The following CASP5 variants were observed in gnomAD, a reference collection of about 807,000 sequenced individuals.
The protein encoded by CASP5 is caspase-5.
A neutral mutation model predicts 45.2 loss-of-function variants in CASP5; 42 were observed. That is an observed-to-expected ratio of 0.93 (90% CI 0.73 to 1.20). CASP5 has a LOEUF of 1.20. CASP5 is among the 50% of genes most tolerant of loss of function. The probability of loss-of-function intolerance (pLI) is 0.00; values close to 1 mark genes in which losing one functional copy is unlikely to be tolerated. For missense variants in CASP5, 512 were observed against 532.2 expected (o/e 0.96, Z 0.37); for synonymous variants, 209 against 186.2 (o/e 1.12, Z -1.00).
intron 1 of CASP5, among the ~76,000 whole-genome samples, chr11:105,017,858 A>G (rs778143106): frequency 0.057 from 8,690 of 151,160 alleles, 246 homozygotes; most frequent in African/African-American, 0.065. Flanking sequence ...TAATTGTCAG[A>G]TTCACCAAAG....
intron 1 of CASP5, among the ~76,000 whole-genome samples, chr11:105,014,512 T>A (rs1862495541): frequency 6.6e-6 from 1 of 152,176 alleles, no homozygotes; most frequent in African/African-American, 2.4e-5. Context: ...TCAAGGGAAG[T>A]CTAATAATTA....
intron 6 of CASP5, among the ~76,000 whole-genome samples, chr11:105,000,009 A>T (rs937718630): frequency 6.6e-6 from 1 of 152,210 alleles, no homozygotes; most frequent in African/African-American, 2.4e-5. Flanking sequence ...TTTAACTTTG[A>T]TTTAGGGATT....
intron 6 of CASP5, 71 bp downstream of exon 6, chr11:105,000,190 A>G: frequency 6.6e-7 from 1 of 1,521,134 alleles, no homozygotes; most frequent in Admixed American, 1.7e-5. Flanking sequence ...GTTTCCCCTA[A>G]ATATAAACCA....
intron 1 of CASP5, among the ~76,000 whole-genome samples, chr11:105,009,740 T>TACACAC (rs1565387849): frequency 2.7e-5 from 2 of 73,210 alleles, no homozygotes; most frequent in African/African-American, 5.7e-5. Flanking sequence ...TATATATATA[T>TACACAC]ATATATATAT....
At chr11:105,000,646 T>A in intron 5 of CASP5, 151 bp from the exon 6 acceptor site, 2 of 713,380 alleles carry the variant, frequency 2.8e-6, no homozygotes, top group Non-Finnish European at 4.5e-6. Context: ...CAGTTTTATG[T>A]TTTTTTGTTT....
chr11:105,012,016 C>A (rs1313062951), intron 1 of CASP5, among the ~76,000 whole-genome samples: 1 of 151,636 alleles, frequency 6.6e-6, no homozygotes, highest in Non-Finnish European at 1.5e-5. Flanking sequence ...CTGGAGGCAG[C>A]ACACAACCTG....
At chr11:105,019,748 T>A (rs1227456972) in intron 1 of CASP5, among the ~76,000 whole-genome samples, 2 of 144,774 alleles carry the variant, frequency 1.4e-5, no homozygotes, top group East Asian at 1.9e-4. Flanking sequence ...CTGGTACCAT[T>A]CCTTCTGAAA....
chr11:105,015,515 CT>C (rs1862544504), intron 1 of CASP5, among the ~76,000 whole-genome samples: 1 of 152,156 alleles, frequency 6.6e-6, no homozygotes, highest in African/African-American at 2.4e-5. Flanking sequence ...ATATAGGATA[CT>C]GTTTTTCACT....
At chr11:105,021,711 G>A (rs1421878979) in intron 1 of CASP5, among the ~76,000 whole-genome samples, 1 of 146,690 alleles carries the variant, frequency 6.8e-6, no homozygotes, top group African/African-American at 2.5e-5. Flanking sequence ...CACTGTTGGT[G>A]GGACTGTAAA....
In CASP5 at chr11:105,002,118, C is replaced by T; in HGVS notation, c.627G>A (p.Arg209=). ...CCACGATGTCATAGTGAGCCCCATT[C>T]CTTGCAGGCAGGTGATCAAACTTTG... ...CNTKFDHLPA[R]NGAHYDIVGM... The change falls in exon 5 of 10, where the codon AGG becomes AGA. Residue 209 remains arginine, a synonymous_variant. Coordinates refer to ENST00000260315, the MANE Select transcript of CASP5 (RefSeq NM_004347.5). 5.0e-6 allele frequency: 8 copies of T among 1,614,114 alleles called. No homozygotes were observed. Among genetic ancestry groups the T allele is most frequent in the South Asian group, 1.1e-5 (1 of 91,078 alleles).
intron 1 of CASP5, among the ~76,000 whole-genome samples, chr11:105,015,950 C>A (rs1351939057): frequency 6.6e-6 from 1 of 151,898 alleles, no homozygotes. Context: ...AAAAATCGTG[C>A]CTTAGAGTGA....
intron 1 of CASP5, among the ~76,000 whole-genome samples, chr11:105,010,897 A>C (rs1862316540): frequency 6.6e-6 from 1 of 151,814 alleles, no homozygotes; most frequent in Admixed American, 6.6e-5. Context: ...TGTGAAAAGA[A>C]AATGAAGTAT....
At chr11:105,016,930 T>C (rs1862640484) in intron 1 of CASP5, among the ~76,000 whole-genome samples, 2 of 150,922 alleles carry the variant, frequency 1.3e-5, no homozygotes, top group African/African-American at 2.5e-5. Context: ...AAGAGAGCAG[T>C]GGTTCTCCCA....
chr11:105,011,377 T>C (rs1862337165), intron 1 of CASP5, among the ~76,000 whole-genome samples: 1 of 151,748 alleles, frequency 6.6e-6, no homozygotes, highest in Non-Finnish European at 1.5e-5. Flanking sequence ...AGATAAAAGC[T>C]TTTCTTCAAA....
intron 1 of CASP5, among the ~76,000 whole-genome samples, chr11:105,019,256 A>G (rs1267471447): frequency 6.6e-6 from 1 of 150,816 alleles, no homozygotes; most frequent in African/African-American, 2.4e-5. Flanking sequence ...CTAGAAAAGC[A>G]AGAGCAAACA....
chr11:105,019,078 G>A (rs1422907184), intron 1 of CASP5, among the ~76,000 whole-genome samples: 1 of 148,158 alleles, frequency 6.7e-6, no homozygotes, highest in Non-Finnish European at 1.5e-5. Flanking sequence ...TGAAATGAAG[G>A]CAGAAATAAA....
rs915392149 is a variant in CASP5, at chr11:105,009,815, A to G, written c.8-835T>C. ...CACGTATATATATATATACACACAC[A>G]TATATATATACACATATATATATAC... On this transcript the variant is annotated intron_variant, in intron 1 of 9. Coordinates refer to ENST00000260315, the MANE Select transcript of CASP5 (RefSeq NM_004347.5). Among the ~76,000 whole-genome samples, 40 of 92,062 alleles carry G rather than the reference A, an allele frequency of 4.3e-4. 1 individual carries two copies. The highest frequency in any genetic ancestry group is 7.7e-4 in the Admixed American group (8 of 10,340). 60.4% of individuals were successfully genotyped at this position (92,062 alleles called of 152,430 possible).
Position 105,002,298 on chromosome 11 carries a change from G to A in CASP5, c.544-97C>T, listed in dbSNP as rs551046278. 41 of 943,394 alleles carry A rather than the reference G, an allele frequency of 4.3e-5. No homozygotes were observed. In the African/African-American group the frequency reaches 6.2e-4, roughly 14 times the overall value. 58.4% of individuals were successfully genotyped at this position (943,394 alleles called of 1,614,324 possible). Reference sequence around the variant, plus strand: ...TGCTTTTTTAAGACCTCATGCAGCTGCCACCTTCCCTAACCTCTATCAGAA... The same window carrying A: ...TGCTTTTTTAAGACCTCATGCAGCTACCACCTTCCCTAACCTCTATCAGAA... On this transcript the variant is annotated intron_variant, in intron 4 of 9. Transcript: ENST00000260315.
intron 9 of CASP5, among the ~76,000 whole-genome samples, chr11:104,994,719 C>A (rs1861378798): frequency 6.6e-6 from 1 of 152,138 alleles, no homozygotes; most frequent in Non-Finnish European, 1.5e-5. Context: ...CATTGTAGTT[C>A]TTTTTAAACC....
Sources: gnomAD v4.1 joint callset for allele counts (sites outside exome capture counted in the v4.1 genomes callset) on GRCh38, gnomAD v4.1.1 for gene constraint, MANE v1.5 for transcripts, NCBI Gene and HGNC (gene_info 2026-07-23, HGNC 2026-07-21) for gene names.